CKAP2L: variants seen among roughly 807,000 people sequenced by gnomAD.
CKAP2L encodes cytoskeleton-associated protein 2-like.
CKAP2L carries 42 observed loss-of-function variants against 65.7 expected under a neutral mutation model. The observed-to-expected ratio is 0.64, with a 90% CI of 0.50 to 0.83. The LOEUF (loss-of-function observed/expected upper bound fraction) is 0.83. CKAP2L is among the 40% of genes least tolerant of loss of function. The pLI is 0.00. For synonymous variants in CKAP2L, 325 were observed against 313.5 expected (o/e 1.04, Z -0.39); for missense variants, 908 against 871.0 (o/e 1.04, Z -0.53).
At chr2:112,740,747 G>A (rs1241380429) in intron 8 of CKAP2L, 71 bp downstream of exon 8, 1 of 1,304,514 alleles carries the variant, frequency 7.7e-7, no homozygotes, top group Non-Finnish European at 1.1e-6. Flanking sequence ...CTCTAGATCT[G>A]TGAAGGAAAA....
chr2:112,755,924 TC>T, intron 4 of CKAP2L, 52 bp downstream of exon 4: 2 of 1,496,600 alleles, frequency 1.3e-6, no homozygotes, highest in Non-Finnish European at 1.8e-6. Context: ...TTCTTGATGG[TC>T]AATTTGCCTA....
Position 112,746,530 on chromosome 2 carries a change from C to A in CKAP2L, c.1648G>T (p.Glu550Ter). 9 of 1,613,344 alleles carry A rather than the reference C, an allele frequency of 5.6e-6. No individual in the cohort carries two copies. The highest frequency in any genetic ancestry group is 6.8e-6 in the Non-Finnish European group (8 of 1,179,474). ...CAGAATTTAGCAAATTTTTCAGCTT[C>A]AGGAATGCTGGACAATATGTTAAGT... ...EILNILSSIP[E>*]AEKFAKFWIC... The change falls in exon 6 of 9, where the codon GAA becomes TAA. Residue 550 changes from glutamate to a stop codon, truncating the protein, a stop_gained. Transcript: ENST00000302450. LOFTEE classifies it high-confidence loss of function.
In CKAP2L at chr2:112,757,106, G is replaced by A; in HGVS notation, c.265C>T (p.Gln89Ter). 1 of 1,614,120 alleles carries A rather than the reference G, an allele frequency of 6.2e-7. No homozygotes were observed. The highest frequency in any genetic ancestry group is 8.5e-7 in the Non-Finnish European group (1 of 1,180,030). The part of the protein sequence containing the change: ...QPRPPNTAGS[Q>*]KPKLEPPKLL... The stretch of plus-strand genomic sequence containing the variant: ...TTTGGTGGCTCCAACTTCGGCTTCT[G>A]GGACCCTGCAGTATTAGGTGGTCTG... The change falls in exon 4 of 9, where the codon CAG (glutamine) becomes TAG (stop). Residue 89 changes from glutamine (Q) to a stop codon, truncating the protein, a stop_gained. Coordinates refer to ENST00000302450, the MANE Select transcript of CKAP2L (RefSeq NM_152515.5). LOFTEE classifies it high-confidence loss of function.
intron 7 of CKAP2L, among the ~76,000 whole-genome samples, chr2:112,741,941 T>G (rs2712018): frequency 1.7e-4 from 3 of 17,210 alleles, no homozygotes; most frequent in South Asian, 2.5e-3. Flanking sequence ...TTCTTTTCTG[T>G]TTTTTTTTTT....
Position 112,760,695 on chromosome 2 carries a change from A to G in CKAP2L, c.156+18T>C. ...TACTTATGAATGCATATTTTTAAAA[A>G]GACTAATTTCTACTTACAGATTTAG... On this transcript the variant is annotated intron_variant, in intron 3 of 8. Transcript: ENST00000302450. The G allele has an allele frequency of 7.6e-7, 1 of 1,320,614 alleles. No homozygotes were observed. Among genetic ancestry groups the G allele is most frequent in the Non-Finnish European group, 1.1e-6 (1 of 938,210 alleles). 81.8% of individuals were successfully genotyped at this position (1,320,614 alleles called of 1,614,324 possible).
At position 112,752,297 on chromosome 2, in the gene CKAP2L, A is replaced by C. The variant is rs1680394938; in HGVS notation, c.1572T>G (p.Thr524=). 3 of 1,613,740 alleles carry C rather than the reference A, an allele frequency of 1.9e-6. No homozygotes were observed. The highest frequency in any genetic ancestry group is 2.5e-6 in the Non-Finnish European group (3 of 1,179,892). The change falls in exon 5 of 9, where the codon ACT becomes ACG. Residue 524 remains threonine (T), a synonymous_variant. Coordinates refer to ENST00000302450, the MANE Select transcript of CKAP2L (RefSeq NM_152515.5). ...CGATGAGGTTCAGACATTCTGTCAGAGTGTTGTTAATTTTACTGGACAGTT... is the reference window on the plus strand; with the variant it reads ...CGATGAGGTTCAGACATTCTGTCAGCGTGTTGTTAATTTTACTGGACAGTT... ...QLELSSKINN[T]LTECLNLIEG...
Position 112,738,563 on chromosome 2 carries a change from T to C in CKAP2L, c.*260A>G, listed in dbSNP as rs569182320. On this transcript the variant is annotated 3_prime_UTR_variant, in exon 9 of 9. Coordinates refer to ENST00000302450, the MANE Select transcript of CKAP2L (RefSeq NM_152515.5). ...AGTAGATCAATAAAGTATAAATATT[T>C]ATCATAGTTGTAGGGTAAATATTCA... 8.7e-5 allele frequency: 39 copies of C among 447,644 alleles called. 1 individual carries two copies. The highest frequency in any genetic ancestry group is 6.7e-4 in the South Asian group (23 of 34,144). The allele number at this position is 447,644 out of a possible 1,614,324, so 27.7% of individuals were successfully genotyped here. A position where few individuals can be genotyped will look rare whatever the true frequency, so the allele number is the denominator to read the frequency against.
chr2:112,756,276 T>C lies in CKAP2L; in HGVS notation c.1095A>G (p.Thr365=), dbSNP rs1558761691. The change falls in exon 4 of 9, where the codon ACA becomes ACG. Residue 365 remains threonine, a synonymous_variant. Transcript: ENST00000302450. Reference sequence around the variant, plus strand: ...CTTTTGACTTTTGCAGTACACATGATGTCTGAGGTATACAAACTTGGCTGG... The same window carrying C: ...CTTTTGACTTTTGCAGTACACATGACGTCTGAGGTATACAAACTTGGCTGG... ...QKSSQVCIPQ[T]SCVLQKSKAI... The C allele has an allele frequency of 1.9e-6, 3 of 1,614,160 alleles. No homozygotes were observed. The highest frequency in any genetic ancestry group is 2.5e-6 in the Non-Finnish European group (3 of 1,180,006).
At chr2:112,754,132 A>G (rs1680462267) in intron 4 of CKAP2L, among the ~76,000 whole-genome samples, 1 of 152,214 alleles carries the variant, frequency 6.6e-6, no homozygotes, top group African/African-American at 2.4e-5. Context: ...TCTGACTATT[A>G]TCAAGCTATA....
chr2:112,753,309 G>T (rs1001475024), intron 4 of CKAP2L, among the ~76,000 whole-genome samples: 1 of 152,038 alleles, frequency 6.6e-6, no homozygotes, highest in Admixed American at 6.6e-5. Context: ...TTTCATCTCT[G>T]CATCTGTTAC....
Position 112,742,766 on chromosome 2 carries a change from T to G in CKAP2L, c.1762A>C (p.Ile588Leu), listed in dbSNP as rs147301838. 1.9e-6 allele frequency: 3 copies of G among 1,608,096 alleles called. No individual in the cohort carries two copies. The highest frequency in any genetic ancestry group is 2.5e-6 in the Non-Finnish European group (3 of 1,177,122). The change falls in exon 7 of 9, where the codon ATA becomes CTA. Residue 588 changes from isoleucine to leucine, a missense_variant. Physicochemically the swap from Ile to Leu is conservative, Grantham distance 5. Coordinates refer to ENST00000302450, the MANE Select transcript of CKAP2L (RefSeq NM_152515.5). ...EEAIKNGATP[I>L]QELRKVVLNI... ...AGAACAACTTTCCGCAACTCTTGTA[T>G]TGGCTGGAAGGAAGGAAGAAAACAT...
At chr2:112,761,992 G>T (rs1423861603) in intron 2 of CKAP2L, among the ~76,000 whole-genome samples, 1 of 152,174 alleles carries the variant, frequency 6.6e-6, no homozygotes, top group Non-Finnish European at 1.5e-5. Context: ...CAAATAACAC[G>T]ACAAAGATGG....
At chr2:112,755,042 T>G (rs1361945203) in intron 4 of CKAP2L, among the ~76,000 whole-genome samples, 1 of 152,224 alleles carries the variant, frequency 6.6e-6, no homozygotes, top group Non-Finnish European at 1.5e-5. Flanking sequence ...GGTGGTGGTG[T>G]TCAGGGCTGT....
At chr2:112,741,103 C>T in intron 7 of CKAP2L, 96 bp from the exon 8 acceptor site, 2 of 810,600 alleles carry the variant, frequency 2.5e-6, no homozygotes, top group South Asian at 3.3e-5. Flanking sequence ...ACAATGATTT[C>T]CCAGTGATCT....
chr2:112,760,902 T>C, intron 2 of CKAP2L, 138 bp from the exon 3 acceptor site: 1 of 597,460 alleles, frequency 1.7e-6, no homozygotes, highest in South Asian at 2.0e-5. Context: ...CAAAATTATA[T>C]TTAATAAAGT....
intron 5 of CKAP2L, among the ~76,000 whole-genome samples, chr2:112,750,967 C>T (rs1032277045): frequency 2.6e-5 from 4 of 151,806 alleles, no homozygotes; most frequent in African/African-American, 9.7e-5. Flanking sequence ...GCAATAAAAC[C>T]TGAGATCTTT....
intron 4 of CKAP2L, 74 bp from the exon 5 acceptor site, chr2:112,752,548 TATAG>T (rs1574332031): frequency 3.5e-6 from 3 of 864,402 alleles, no homozygotes; most frequent in South Asian, 3.2e-5. Context: ...ATATGATATG[TATAG>T]ATAGAGTATA....
Position 112,742,761 on chromosome 2 carries a change from T to G in CKAP2L, c.1767A>C (p.Gln589His), listed in dbSNP as rs575277420. The part of the protein sequence containing the change: ...EAIKNGATPI[Q>H]ELRKVVLNIL... ...TATTAAGAACAACTTTCCGCAACTC[T>G]TGTATTGGCTGGAAGGAAGGAAGAA... is the stretch of plus-strand genomic sequence containing the variant. The change falls in exon 7 of 9, where the codon CAA (glutamine) becomes CAC (histidine). Residue 589 changes from glutamine (Q) to histidine (H), a missense_variant. By Grantham distance (24) the Gln-to-His change is conservative (BLOSUM62 0). Coordinates refer to ENST00000302450, the MANE Select transcript of CKAP2L (RefSeq NM_152515.5). 6.2e-7 allele frequency: 1 copy of G among 1,607,964 alleles called. No individual in the cohort carries two copies. Among genetic ancestry groups the G allele is most frequent in the Non-Finnish European group, 8.5e-7 (1 of 1,176,976 alleles).
chr2:112,753,860 G>A (rs1257747779), intron 4 of CKAP2L, among the ~76,000 whole-genome samples: 1 of 151,978 alleles, frequency 6.6e-6, no homozygotes, highest in Non-Finnish European at 1.5e-5. Flanking sequence ...ACTCATTCCT[G>A]CCTTAAGGTC....
Sources: allele counts gnomAD v4.1 joint callset (sites outside exome capture counted in the v4.1 genomes callset), GRCh38; gene constraint gnomAD v4.1.1; transcripts MANE v1.5; gene names NCBI Gene and HGNC (gene_info 2026-07-23, HGNC 2026-07-21).